ZNF704: variants seen among roughly 807,000 people sequenced by gnomAD.
The protein encoded by ZNF704 is glucocorticoid induced gene 1.
Under a neutral mutation model 44.7 loss-of-function variants are expected in ZNF704, and 10 were observed. The ratio of observed to expected loss-of-function variants is 0.22; its 90% CI spans 0.14 to 0.38. The LOEUF (loss-of-function observed/expected upper bound fraction) is 0.38, where lower values mean the gene tolerates loss of function less well. Ranked by LOEUF, ZNF704 falls within the 10% of genes least tolerant of loss-of-function variation. The probability of loss-of-function intolerance (pLI) is 1.00; values close to 1 mark genes in which losing one functional copy is unlikely to be tolerated. For missense variants in ZNF704, 390 were observed against 545.5 expected (o/e 0.71, Z 2.84); for synonymous variants, 211 against 207.6 (o/e 1.02, Z -0.14).
chr8:80,835,063 T>C (rs1808536476), intron 1 of ZNF704, among the ~76,000 whole-genome samples: 1 of 152,182 alleles, frequency 6.6e-6, no homozygotes, highest in Non-Finnish European at 1.5e-5. Context: ...GGAAGATTAG[T>C]CAGCAGCACA....
intron 1 of ZNF704, among the ~76,000 whole-genome samples, chr8:80,869,632 T>C (rs531274680): frequency 6.6e-6 from 1 of 152,208 alleles, no homozygotes; most frequent in East Asian, 1.9e-4. Flanking sequence ...TTTCTCTACA[T>C]CTTTGGTTCC....
chr8:80,812,627 TTTTCCTCAGCAAGGCAAGAGTCACCCAG>T (rs1351027049), intron 2 of ZNF704: 1 of 152,368 alleles, frequency 6.6e-6, no homozygotes, highest in Non-Finnish European at 1.5e-5. Flanking sequence ...GTTTAGTTAT[TTTTCCTCAGCAAGGCAAGAGTCACCCAG>T]TGCCCTTCTG....
intron 2 of ZNF704, among the ~76,000 whole-genome samples, chr8:80,730,984 T>A (rs183821190): frequency 6.6e-6 from 1 of 152,198 alleles, no homozygotes. Flanking sequence ...AAAAGTTCAC[T>A]GGAGAATACT....
intron 2 of ZNF704, among the ~76,000 whole-genome samples, chr8:80,745,222 T>C (rs1429162382): frequency 2.0e-5 from 3 of 152,192 alleles, no homozygotes; most frequent in South Asian, 4.1e-4. Flanking sequence ...AGGAGCTAAA[T>C]AGTTTTACTT....
chr8:80,696,307 C>T (rs1212488766), intron 2 of ZNF704, among the ~76,000 whole-genome samples: 2 of 152,186 alleles, frequency 1.3e-5, no homozygotes, highest in Non-Finnish European at 2.9e-5. Flanking sequence ...ATTAATCTTT[C>T]CTCCAGCCAT....
chr8:80,847,647 T>C (rs1238383157), intron 1 of ZNF704, among the ~76,000 whole-genome samples: 1 of 152,120 alleles, frequency 6.6e-6, no homozygotes, highest in Non-Finnish European at 1.5e-5. Context: ...ACAGAGGACC[T>C]AGAAATAGAC....
Position 80,643,122 on chromosome 8 carries a change from G to A in ZNF704, c.1040C>T (p.Pro347Leu). The change falls in exon 8 of 9, where the codon CCC (proline) becomes CTC (leucine). Residue 347 changes from proline to leucine, a missense_variant. Around this residue, in one of 3 missense-constraint regions of ZNF704, gnomAD observed 305 missense variants for 435.7 expected, o/e 0.70. Transcript: ENST00000327835. ...PVTFTGIPVS[P>L]THHPVGTGEQ... is the part of the protein sequence containing the mutation. ...TCCTGTGCCCACCGGATGATGTGTGGGTGACACCTGGTGAATACATGGAAA... is the reference window on the plus strand; with the variant it reads ...TCCTGTGCCCACCGGATGATGTGTGAGTGACACCTGGTGAATACATGGAAA... 1 of 1,601,384 alleles carries A rather than the reference G, an allele frequency of 6.2e-7. No individual in the cohort carries two copies. The highest frequency in any genetic ancestry group is 1.1e-5 in the South Asian group (1 of 88,646).
chr8:80,859,288 G>A (rs1468293687), intron 1 of ZNF704, among the ~76,000 whole-genome samples: 2 of 152,180 alleles, frequency 1.3e-5, no homozygotes, highest in Non-Finnish European at 2.9e-5. Flanking sequence ...AGACCAGACT[G>A]CTAGACTCAA....
At chr8:80,846,901 A>T (rs1038694295) in intron 1 of ZNF704, among the ~76,000 whole-genome samples, 1 of 152,198 alleles carries the variant, frequency 6.6e-6, no homozygotes, top group Non-Finnish European at 1.5e-5. Context: ...GGTTGGGCAC[A>T]GTGGCTCACG....
intron 2 of ZNF704, among the ~76,000 whole-genome samples, chr8:80,710,959 G>C (rs1818976610): frequency 6.6e-6 from 1 of 152,098 alleles, no homozygotes; most frequent in Non-Finnish European, 1.5e-5. Context: ...AAGTAGAGAG[G>C]GTACCAGGCA....
chr8:80,687,288 C>T lies in ZNF704; in HGVS notation c.496G>A (p.Gly166Ser), dbSNP rs765365885. Residue 166 changes from glycine to serine, a missense_variant, in exon 4 of 9, where the codon GGC becomes AGC. By Grantham distance (56) the Gly-to-Ser change is moderately conservative. Transcript: ENST00000327835. The part of the protein sequence containing the change: ...PFRSPAQPDD[G>S]IDEAEASNLL... ...TTGCTGGCCTCCGCCTCGTCGATGC[C>T]GTCGTCTGGCTGCGCGGGGCTGCGG... The T allele has an allele frequency of 1.9e-6, 3 of 1,613,154 alleles. No individual in the cohort carries two copies. The highest frequency in any genetic ancestry group is 1.7e-6 in the Non-Finnish European group (2 of 1,179,852).
At chr8:80,740,459 A>T (rs1015848530) in intron 2 of ZNF704, among the ~76,000 whole-genome samples, 5 of 152,132 alleles carry the variant, frequency 3.3e-5, no homozygotes, top group African/African-American at 1.2e-4. Context: ...GGACTCCAAA[A>T]AATTGTTAAG....
intron 7 of ZNF704, chr8:80,645,118 A>G: frequency 6.2e-7 from 1 of 1,606,234 alleles, no homozygotes; most frequent in Non-Finnish European, 8.5e-7. Flanking sequence ...ACATGTCGAT[A>G]CTCAAACTCC....
intron 6 of ZNF704, 26 bp from the exon 7 acceptor site, chr8:80,659,715 T>G: frequency 6.2e-7 from 1 of 1,603,254 alleles, no homozygotes; most frequent in Non-Finnish European, 8.5e-7. Flanking sequence ...CAGAGAAAGC[T>G]GTTATGAAGG....
intron 7 of ZNF704, among the ~76,000 whole-genome samples, chr8:80,653,067 C>A (rs930782909): frequency 6.6e-6 from 1 of 152,130 alleles, no homozygotes; most frequent in Non-Finnish European, 1.5e-5. Flanking sequence ...AAGACAAAAA[C>A]CACATGATTA....
intron 2 of ZNF704, among the ~76,000 whole-genome samples, chr8:80,787,972 C>A (rs1262358210): frequency 6.6e-6 from 1 of 152,144 alleles, no homozygotes; most frequent in African/African-American, 2.4e-5. Context: ...TATGATTTAG[C>A]CGGTTCCTAC....
intron 2 of ZNF704, among the ~76,000 whole-genome samples, chr8:80,785,688 T>C (rs1473003810): frequency 3.9e-5 from 6 of 152,172 alleles, no homozygotes; most frequent in Non-Finnish European, 5.9e-5. Flanking sequence ...TTGCCATCAG[T>C]GAGGTTTGTT....
chr8:80,664,272 A>ATTTTTT (rs146856594), intron 6 of ZNF704, among the ~76,000 whole-genome samples: 1 of 126,690 alleles, frequency 7.9e-6, no homozygotes, highest in African/African-American at 2.9e-5. Flanking sequence ...AACATTAGGG[A>ATTTTTT]TTTTTTTTTT....
intron 2 of ZNF704, among the ~76,000 whole-genome samples, chr8:80,711,173 T>C (rs370695569): frequency 1.3e-5 from 2 of 152,164 alleles, no homozygotes; most frequent in South Asian, 4.1e-4. Context: ...CTTCCAGCCA[T>C]AATTGTTTCA....
Sources: allele counts gnomAD v4.1 joint callset (sites outside exome capture counted in the v4.1 genomes callset), GRCh38; gene constraint gnomAD v4.1.1; regional missense constraint gnomAD v4.1.1; transcripts MANE v1.5; gene names NCBI Gene and HGNC (gene_info 2026-07-23, HGNC 2026-07-21).